The following SETX variants were observed in gnomAD, a reference collection of about 807,000 sequenced individuals.
The protein encoded by SETX is senataxin, also known as helicase senataxin.
Under a neutral mutation model 227.2 loss-of-function variants are expected in SETX, and 90 were observed. The ratio of observed to expected loss-of-function variants is 0.40; its 90% CI spans 0.33 to 0.47. The LOEUF is 0.47. Ranked by LOEUF, SETX falls within the 20% of genes least tolerant of loss-of-function variation. The probability of loss-of-function intolerance (pLI) is 0.91; values close to 1 mark genes in which losing one functional copy is unlikely to be tolerated. For missense variants in SETX, 3,052 were observed against 3,181.5 expected (o/e 0.96, Z 0.98); for synonymous variants, 1,210 against 1,113.2 (o/e 1.09, Z -1.73).
chr9:132,321,358 A>G (rs1026154655), intron 10 of SETX, among the ~76,000 whole-genome samples: 1 of 151,958 alleles, frequency 6.6e-6, no homozygotes, highest in Middle Eastern at 3.4e-3. Flanking sequence ...CACCTCTACT[A>G]AAAACACAAA....
chr9:132,298,238 C>T lies in SETX; in HGVS notation c.5623G>A (p.Val1875Met). The T allele has an allele frequency of 6.2e-7, 1 of 1,614,080 alleles. No homozygotes were observed. The highest frequency in any genetic ancestry group is 8.5e-7 in the Non-Finnish European group (1 of 1,179,988). ...ENFPANLNEL[V>M]NCIVISSLVT... ...AGAGAACTGATTACAATACAATTCA[C>T]AAGTTCGTTTAAATTGGCCGGAAAG... Residue 1875 changes from valine to methionine, a missense_variant, in exon 13 of 26, where the codon GTG (valine) becomes ATG (methionine). Val to Met is a conservative substitution (Grantham distance 21, BLOSUM62 1). Around this residue, in one of 10 missense-constraint regions of SETX, gnomAD observed 239 missense variants for 272.1 expected, o/e 0.88. Transcript: ENST00000224140.
intron 20 of SETX, 80 bp downstream of exon 20, chr9:132,281,383 CAAGA>C: frequency 1.1e-6 from 1 of 909,114 alleles, no homozygotes; most frequent in Non-Finnish European, 1.8e-6. Context: ...GAGGCCAATC[CAAGA>C]AAGATGTCTC....
chr9:132,355,533 T>C (rs902520993), upstream of SETX, among the ~76,000 whole-genome samples: 1 of 152,214 alleles, frequency 6.6e-6, no homozygotes, highest in East Asian at 1.9e-4. Context: ...ATGCGCGCGA[T>C]GCGCAACACA....
At chr9:132,314,871 A>T (rs1187921812) in intron 10 of SETX, among the ~76,000 whole-genome samples, 2 of 149,196 alleles carry the variant, frequency 1.3e-5, no homozygotes, top group South Asian at 2.1e-4. Flanking sequence ...AATTCTCTTT[A>T]AAAAAAATTA....
At chr9:132,310,359 A>G (rs1293473630) in intron 11 of SETX, among the ~76,000 whole-genome samples, 4 of 152,244 alleles carry the variant, frequency 2.6e-5, no homozygotes, top group Non-Finnish European at 5.9e-5. Context: ...CTGAAGTTGA[A>G]CTTATACACA....
chr9:132,334,482 A>T, intron 7 of SETX, 126 bp downstream of exon 7: 2 of 1,052,904 alleles, frequency 1.9e-6, no homozygotes, highest in Non-Finnish European at 2.9e-6. Flanking sequence ...AAAAGTCTGA[A>T]TCTATTACTA....
At chr9:132,320,347 G>A (rs1208184722) in intron 10 of SETX, among the ~76,000 whole-genome samples, 1 of 152,124 alleles carries the variant, frequency 6.6e-6, no homozygotes, top group Admixed American at 6.5e-5. Flanking sequence ...AGGCTGAGGC[G>A]AGCAGATCAC....
At chr9:132,278,941 A>G (rs1843338761) in intron 20 of SETX, among the ~76,000 whole-genome samples, 1 of 152,200 alleles carries the variant, frequency 6.6e-6, no homozygotes, top group Non-Finnish European at 1.5e-5. Context: ...GTCTCACAGG[A>G]CTTAATTTCC....
At chr9:132,281,988 C>T (rs545267189) in intron 19 of SETX, among the ~76,000 whole-genome samples, 2 of 144,940 alleles carry the variant, frequency 1.4e-5, no homozygotes, top group East Asian at 2.1e-4. Flanking sequence ...CATCACTGCA[C>T]TCCGGTCTGG....
intron 3 of SETX, among the ~76,000 whole-genome samples, chr9:132,346,956 AAG>A (rs1399764999): frequency 6.6e-6 from 1 of 152,014 alleles, no homozygotes; most frequent in African/African-American, 2.4e-5. Flanking sequence ...CCCTGCCTCT[AAG>A]AGAAAAAGAA....
chr9:132,270,388 T>C (rs937019646), intron 24 of SETX, among the ~76,000 whole-genome samples: 66 of 149,066 alleles, frequency 4.4e-4, no homozygotes, highest in African/African-American at 1.6e-3. Flanking sequence ...GACTCTAGAA[T>C]GACTCAGCAT....
chr9:132,282,949 C>T (rs575519006), intron 19 of SETX: 1 of 380,042 alleles, frequency 2.6e-6, no homozygotes, highest in African/African-American at 2.1e-5. Flanking sequence ...TCAAAGCTAT[C>T]CAAAATTATA....
Position 132,349,442 on chromosome 9 carries a change from C to A in SETX, c.-7-7G>T, listed in dbSNP as rs1848490563. On this transcript the variant is annotated splice_polypyrimidine_tract_variant and splice_region_variant and intron_variant, in intron 2 of 25. Transcript: ENST00000224140. ...ACATGTGCTCATTCTGTACCTACAG[C>A]CAGAAAAGATGACATCAAGAAGAAA... is the stretch of plus-strand genomic sequence containing the variant. The A allele has an allele frequency of 2.5e-6, 4 of 1,613,886 alleles. No homozygotes were observed. In the South Asian group the frequency reaches 3.3e-5, roughly 13 times the overall value.
chr9:132,272,034 C>T (rs1441156358), intron 23 of SETX, among the ~76,000 whole-genome samples: 1 of 152,088 alleles, frequency 6.6e-6, no homozygotes, highest in Non-Finnish European at 1.5e-5. Context: ...AGGTGCCCGC[C>T]ACCATGCCCA....
chr9:132,340,295 G>T (rs1847882454), intron 5 of SETX, among the ~76,000 whole-genome samples: 1 of 152,068 alleles, frequency 6.6e-6, no homozygotes, highest in Admixed American at 6.6e-5. Flanking sequence ...TTTCACATTA[G>T]TATCTTCCCG....
intron 7 of SETX, among the ~76,000 whole-genome samples, chr9:132,333,402 A>ATATATAT (rs1213588784): frequency 5.3e-4 from 39 of 74,268 alleles, no homozygotes; most frequent in African/African-American, 2.7e-3. Context: ...AAAAAAGAAA[A>ATATATAT]AAAAAAATAT....
intron 25 of SETX, among the ~76,000 whole-genome samples, chr9:132,268,579 A>G (rs1365398710): frequency 6.6e-6 from 1 of 152,182 alleles, no homozygotes; most frequent in East Asian, 1.9e-4. Context: ...AAAAGAGATT[A>G]CCCCAGTGAA....
intron 10 of SETX, among the ~76,000 whole-genome samples, chr9:132,312,620 C>A (rs1445391932): frequency 6.6e-6 from 1 of 152,130 alleles, no homozygotes; most frequent in Admixed American, 6.5e-5. Context: ...ACTGGTTAAC[C>A]AACCAAGACT....
At chr9:132,294,110 A>T (rs1469400494) in intron 15 of SETX, among the ~76,000 whole-genome samples, 1 of 148,320 alleles carries the variant, frequency 6.7e-6, no homozygotes, top group Non-Finnish European at 1.5e-5. Flanking sequence ...CAGTCAACAT[A>T]CACCTGAAAA....
Sources: allele counts gnomAD v4.1 joint callset (sites outside exome capture counted in the v4.1 genomes callset), GRCh38; gene constraint gnomAD v4.1.1; regional missense constraint gnomAD v4.1.1; transcripts MANE v1.5; gene names NCBI Gene and HGNC (gene_info 2026-07-23, HGNC 2026-07-21).